Variants in IL27RA observed in about 807,000 individuals in gnomAD.
IL27RA encodes the protein interleukin 27 receptor subunit alpha, also known as interleukin-27 receptor subunit alpha.
Under a neutral mutation model 80.8 loss-of-function variants are expected in IL27RA, and 61 were observed. The ratio of observed to expected loss-of-function variants is 0.76; its 90% CI spans 0.61 to 0.93. The LOEUF (loss-of-function observed/expected upper bound fraction) is 0.93, where lower values mean the gene tolerates loss of function less well. Ranked by LOEUF, IL27RA falls within the 40% of genes least tolerant of loss-of-function variation. IL27RA has a pLI of 0.00. For synonymous variants in IL27RA, 316 were observed against 332.5 expected (o/e 0.95, Z 0.54); for missense variants, 735 against 808.1 (o/e 0.91, Z 1.10).
At chr19:14,040,705 C>T (rs896606682) in intron 4 of IL27RA, among the ~76,000 whole-genome samples, 2 of 151,222 alleles carry the variant, frequency 1.3e-5, no homozygotes, top group African/African-American at 4.9e-5. Context: ...GCCTGTAGTC[C>T]CAGCTAATTG....
chr19:14,039,779 C>T lies in IL27RA; in HGVS notation c.403C>T (p.Pro135Ser), dbSNP rs1975963090. Residue 135 changes from proline (P) to serine (S), a missense_variant, in exon 4 of 14, where the codon CCT becomes TCT. Pro to Ser is a moderately conservative substitution (Grantham distance 74). Coordinates refer to ENST00000263379, the MANE Select transcript of IL27RA (RefSeq NM_004843.4). ...GAAGCCAAACGCCCCCCGGCTGGGC[C>T]CTGACGTGGACTTTTCCGAGGATGA... Reference protein sequence around the residue: ...QMKPNAPRLGPDVDFSEDDPL... With the variant: ...QMKPNAPRLGSDVDFSEDDPL... The T allele has an allele frequency of 1.2e-6, 2 of 1,614,050 alleles. No homozygotes were observed. Among genetic ancestry groups the T allele is most frequent in the Non-Finnish European group, 8.5e-7 (1 of 1,180,028 alleles).
chr19:14,032,381 T>G lies in IL27RA; in HGVS notation c.101-5T>G. On this transcript the variant is annotated splice_region_variant and splice_polypyrimidine_tract_variant and intron_variant, in intron 1 of 13. Transcript: ENST00000263379. ...TTTCCTGAGACCCTCTGACTCCCTC[T>G]CCAGGCAGCGCCGGGCCACTGCAGT... The G allele has an allele frequency of 1.2e-6, 2 of 1,611,114 alleles. No individual in the cohort carries two copies. The highest frequency in any genetic ancestry group is 1.1e-5 in the South Asian group (1 of 90,982).
chr19:14,052,061 G>T (rs779708967), intron 13 of IL27RA, 35 bp from the exon 14 acceptor site: 1 of 1,601,768 alleles, frequency 6.2e-7, no homozygotes, highest in South Asian at 1.1e-5. Flanking sequence ...GGGTCGGGGA[G>T]GCTGGGGCAG....
chr19:14,032,634 CAAAAAAA>C (rs766574764), intron 2 of IL27RA, 131 bp downstream of exon 2: 22 of 93,692 alleles, frequency 2.3e-4, no homozygotes, highest in Admixed American at 8.1e-4. Context: ...ACTAAAAATA[CAAAAAAA>C]AAAAAAAAAA....
At chr19:14,038,429 T>C (rs980257554) in intron 2 of IL27RA, among the ~76,000 whole-genome samples, 2 of 151,972 alleles carry the variant, frequency 1.3e-5, no homozygotes, top group African/African-American at 2.4e-5. Context: ...AATTTAAAAA[T>C]TAGCTGAACA....
chr19:14,052,170 G>A lies in IL27RA; in HGVS notation c.1791G>A (p.Met597Ile). 3.1e-6 allele frequency: 5 copies of A among 1,613,320 alleles called. No homozygotes were observed. The highest frequency in any genetic ancestry group is 4.2e-6 in the Non-Finnish European group (5 of 1,179,742). ...EVEEMEPPPV[M>I]ESSQPAQATA... is the part of the protein sequence containing the mutation. Reference sequence around the variant, plus strand: ...AGGAGATGGAGCCCCCGCCGGTTATGGAGTCCTCCCAGCCCGCCCAGGCCA... The same window carrying A: ...AGGAGATGGAGCCCCCGCCGGTTATAGAGTCCTCCCAGCCCGCCCAGGCCA... Residue 597 changes from methionine (M) to isoleucine (I), a missense_variant, in exon 14 of 14, where the codon ATG becomes ATA. Coordinates refer to ENST00000263379, the MANE Select transcript of IL27RA (RefSeq NM_004843.4).
chr19:14,048,107 G>A (rs902013854), intron 8 of IL27RA, among the ~76,000 whole-genome samples: 6 of 151,594 alleles, frequency 4.0e-5, no homozygotes, highest in African/African-American at 1.5e-4. Context: ...ACAGGCATGC[G>A]CCACCAAGCC....
Position 14,052,299 on chromosome 19 carries a change from T to C in IL27RA, c.*9T>C, listed in dbSNP as rs1177791559. ...CACAGGTTCTGGCCTGAACCACACG[T>C]CTGGCTGGGGGCTGCCAGCCAGGCT... On this transcript the variant is annotated 3_prime_UTR_variant, in exon 14 of 14. Transcript: ENST00000263379. The C allele has an allele frequency of 4.1e-6, 6 of 1,476,996 alleles. No homozygotes were observed. The highest frequency in any genetic ancestry group is 5.4e-6 in the Non-Finnish European group (6 of 1,114,094). The allele number at this position is 1,476,996 out of a possible 1,614,324, so 91.5% of individuals were successfully genotyped here.
intron 2 of IL27RA, 80 bp downstream of exon 2, chr19:14,032,583 C>A: frequency 1.3e-6 from 1 of 779,070 alleles, no homozygotes; most frequent in Non-Finnish European, 2.2e-6. Context: ...TTGAAAGGTT[C>A]CAGGAGTCAA....
At chr19:14,038,245 C>T (rs1451159756) in intron 2 of IL27RA, among the ~76,000 whole-genome samples, 4 of 151,942 alleles carry the variant, frequency 2.6e-5, no homozygotes, top group African/African-American at 9.7e-5. Context: ...TGGGCTCAAT[C>T]GATCCTCCCA....
chr19:14,044,448 C>T (rs1217692869), intron 6 of IL27RA, among the ~76,000 whole-genome samples: 2 of 151,952 alleles, frequency 1.3e-5, no homozygotes, highest in African/African-American at 2.4e-5. Context: ...CCATGTTGGC[C>T]AGGCTGGTCT....
intron 1 of IL27RA, 142 bp downstream of exon 1, chr19:14,032,114 C>G: frequency 2.5e-6 from 2 of 801,334 alleles, no homozygotes; most frequent in South Asian, 1.8e-5. Context: ...GGCAGGGACC[C>G]GGCGACACTG....
intron 8 of IL27RA, among the ~76,000 whole-genome samples, chr19:14,047,895 C>G (rs568432504): frequency 4.6e-5 from 7 of 151,300 alleles, no homozygotes; most frequent in Non-Finnish European, 1.0e-4. Context: ...ATCTCTTGAC[C>G]TCGTGATCTG....
chr19:14,047,900 G>A (rs1411439110), intron 8 of IL27RA, among the ~76,000 whole-genome samples: 1 of 149,572 alleles, frequency 6.7e-6, no homozygotes, highest in Non-Finnish European at 1.5e-5. Flanking sequence ...TTGACCTCGT[G>A]ATCTGCCCTC....
In IL27RA at chr19:14,046,751, C is replaced by T. The variant is rs1046876710; in HGVS notation, c.1141+133C>T. 136 of 837,884 alleles carry T rather than the reference C, an allele frequency of 1.6e-4. No individual in the cohort carries two copies. The African/African-American group carries it at 2.1e-3, about 13-fold the overall frequency. 51.9% of individuals were successfully genotyped at this position (837,884 alleles called of 1,614,324 possible). On this transcript the variant is annotated intron_variant, in intron 8 of 13. Transcript: ENST00000263379. ...GTGGCTCATGCCTGTAATCTCAGCACTTTGGGAGGCCGAAAGGGGCGGATC... is the reference window on the plus strand; with the variant it reads ...GTGGCTCATGCCTGTAATCTCAGCATTTTGGGAGGCCGAAAGGGGCGGATC...
intron 8 of IL27RA, among the ~76,000 whole-genome samples, chr19:14,047,976 A>G (rs1325472003): frequency 7.2e-6 from 1 of 138,810 alleles, no homozygotes; most frequent in Non-Finnish European, 1.6e-5. Context: ...TTTTTTTTTA[A>G]GAGATGAGTC....
At chr19:14,049,420 T>A (rs1368453833) in intron 10 of IL27RA, 106 bp downstream of exon 10, 3 of 1,156,918 alleles carry the variant, frequency 2.6e-6, no homozygotes, top group African/African-American at 3.1e-5. Flanking sequence ...CCAGGGACCA[T>A]ACATGGTGTC....
At chr19:14,033,995 A>G (rs570160095) in intron 2 of IL27RA, among the ~76,000 whole-genome samples, 1 of 152,236 alleles carries the variant, frequency 6.6e-6, no homozygotes, top group East Asian at 1.9e-4. Context: ...TAAAAAAGGG[A>G]AATAATAACA....
intron 2 of IL27RA, among the ~76,000 whole-genome samples, chr19:14,035,306 G>A (rs150402683): frequency 2.0e-5 from 3 of 151,904 alleles, no homozygotes; most frequent in South Asian, 2.1e-4. Flanking sequence ...CAAAATCTAC[G>A]ATCTTAACCA....
Sources: gnomAD v4.1 joint callset for allele counts (sites outside exome capture counted in the v4.1 genomes callset) on GRCh38, gnomAD v4.1.1 for gene constraint, MANE v1.5 for transcripts, NCBI Gene and HGNC (gene_info 2026-07-23, HGNC 2026-07-21) for gene names.